Variants in NTM observed in about 807,000 individuals in gnomAD.
The protein encoded by NTM is neurotrimin, also known as IgLON family member 2.
In NTM, 13 loss-of-function variants were observed where a neutral mutation model predicts 42.1. That is an observed-to-expected ratio of 0.31 (90% CI 0.20 to 0.49). The LOEUF is 0.49. Ranked by LOEUF, NTM falls within the 20% of genes least tolerant of loss-of-function variation. The pLI is 0.99. For missense variants in NTM, 373 were observed against 452.8 expected (o/e 0.82, Z 1.60); for synonymous variants, 187 against 179.2 (o/e 1.04, Z -0.35).
intron 2 of NTM, among the ~76,000 whole-genome samples, chr11:132,001,780 A>G (rs2069320900): frequency 6.6e-6 from 1 of 151,102 alleles, no homozygotes; most frequent in Non-Finnish European, 1.5e-5. Flanking sequence ...AGACAGGCAC[A>G]CACACACACA....
intron 1 of NTM, among the ~76,000 whole-genome samples, chr11:131,498,832 C>A (rs1407339150): frequency 6.6e-6 from 1 of 152,208 alleles, no homozygotes; most frequent in Non-Finnish European, 1.5e-5. Context: ...TGCTTGCCCT[C>A]TCCTGGAGGC....
At chr11:131,388,889 G>A (rs1431345394) in intron 1 of NTM, among the ~76,000 whole-genome samples, 5 of 151,568 alleles carry the variant, frequency 3.3e-5, no homozygotes, top group Non-Finnish European at 1.5e-5. Flanking sequence ...GCACGTGCCT[G>A]TAATCCCAGC....
chr11:132,078,080 G>T (rs755878517), intron 2 of NTM, among the ~76,000 whole-genome samples: 1 of 152,134 alleles, frequency 6.6e-6, no homozygotes, highest in Non-Finnish European at 1.5e-5. Flanking sequence ...TGCCCCACAC[G>T]AGGGGATCAT....
At chr11:131,625,897 T>C (rs889887234) in intron 1 of NTM, among the ~76,000 whole-genome samples, 4 of 152,224 alleles carry the variant, frequency 2.6e-5, no homozygotes, top group Non-Finnish European at 5.9e-5. Flanking sequence ...TATTTGTGGT[T>C]GTCACTCTCA....
intron 3 of NTM, among the ~76,000 whole-genome samples, chr11:132,195,462 T>C (rs1054115119): frequency 6.8e-6 from 1 of 147,016 alleles, no homozygotes; most frequent in Non-Finnish European, 1.5e-5. Flanking sequence ...CTAAAATCTA[T>C]ATAGAACCAA....
At chr11:131,475,640 A>G (rs985334565) in intron 1 of NTM, among the ~76,000 whole-genome samples, 5 of 152,184 alleles carry the variant, frequency 3.3e-5, no homozygotes, top group African/African-American at 4.8e-5. Flanking sequence ...AAATGAGGAA[A>G]TATAAATATT....
At chr11:132,054,130 A>G (rs555687290) in intron 2 of NTM, among the ~76,000 whole-genome samples, 1 of 152,344 alleles carries the variant, frequency 6.6e-6, no homozygotes, top group East Asian at 1.9e-4. Context: ...CAGGAGAATC[A>G]CTTGAGCCTG....
At chr11:131,811,941 C>T (rs1040857355) in intron 1 of NTM, among the ~76,000 whole-genome samples, 1 of 152,196 alleles carries the variant, frequency 6.6e-6, no homozygotes, top group Non-Finnish European at 1.5e-5. Context: ...AGTCACCATA[C>T]CGTTCCTGGA....
intron 4 of NTM, among the ~76,000 whole-genome samples, chr11:132,252,499 G>T (rs1194413426): frequency 6.6e-6 from 1 of 152,198 alleles, no homozygotes; most frequent in Non-Finnish European, 1.5e-5. Context: ...AGCAGGAAAA[G>T]AAAGCCTGGA....
intron 1 of NTM, among the ~76,000 whole-genome samples, chr11:131,713,124 T>C (rs1219799057): frequency 2.0e-5 from 3 of 152,052 alleles, no homozygotes; most frequent in African/African-American, 4.8e-5. Context: ...TAGTCTCTCA[T>C]TGTAGGAAAA....
At chr11:132,075,618 G>A (rs551412956) in intron 2 of NTM, among the ~76,000 whole-genome samples, 79 of 152,142 alleles carry the variant, frequency 5.2e-4, no homozygotes, top group Middle Eastern at 6.8e-3. Context: ...TGGATTTTTC[G>A]AGCTATTATT....
intron 1 of NTM, chr11:131,660,722 C>A (rs1172519674): frequency 6.1e-6 from 3 of 489,774 alleles, no homozygotes; most frequent in African/African-American, 4.1e-5. Flanking sequence ...ACGGAGGAGG[C>A]AAAGAAACAA....
At chr11:131,744,832 C>T (rs1239934813) in intron 1 of NTM, among the ~76,000 whole-genome samples, 3 of 152,178 alleles carry the variant, frequency 2.0e-5, no homozygotes, top group African/African-American at 7.2e-5. Context: ...TTGTGTATTC[C>T]TCTGACATAA....
chr11:131,732,694 C>T lies in NTM; in HGVS notation c.83-178870C>T, dbSNP rs116209151. 3.4e-3 allele frequency among the ~76,000 whole-genome samples: 523 copies of T among 152,234 alleles called. 1 individual carries two copies. The highest frequency in any genetic ancestry group is 0.012 in the African/African-American group (491 of 41,538). ...ATTATGTTATCCAACAACAATGCAC[C>T]GGGCTTGAGATAATGGGTTTTATGT... On this transcript the variant is annotated intron_variant, in intron 1 of 8. Coordinates refer to ENST00000683400, the MANE Select transcript of NTM (RefSeq NM_001352005.2).
At chr11:131,692,939 A>G (rs2074967979) in intron 1 of NTM, among the ~76,000 whole-genome samples, 1 of 152,236 alleles carries the variant, frequency 6.6e-6, no homozygotes, top group African/African-American at 2.4e-5. Flanking sequence ...CAGGTCATTA[A>G]ATGAATTTAG....
chr11:131,655,394 G>T (rs1424409918), intron 1 of NTM, among the ~76,000 whole-genome samples: 1 of 152,190 alleles, frequency 6.6e-6, no homozygotes, highest in African/African-American at 2.4e-5. Context: ...CTAATTAGTA[G>T]CATTTAATCT....
chr11:131,686,330 C>G (rs1188344648), intron 1 of NTM, among the ~76,000 whole-genome samples: 4 of 152,150 alleles, frequency 2.6e-5, no homozygotes, highest in African/African-American at 9.7e-5. Context: ...CATGAACTGT[C>G]AATTAACATG....
At position 131,644,768 on chromosome 11, in the gene NTM, T is replaced by C. The variant is rs184489538; in HGVS notation, c.83-266796T>C. 7.9e-4 allele frequency among the ~76,000 whole-genome samples: 120 copies of C among 152,196 alleles called. 1 individual carries two copies. The highest frequency in any genetic ancestry group is 2.6e-3 in the African/African-American group (110 of 41,528). The stretch of plus-strand genomic sequence containing the variant: ...AAGATTGAAAGATACATTTTTTTTT[T>C]CCTTTGGCCAATTTGGGTAAGAAGG... On this transcript the variant is annotated intron_variant, in intron 1 of 8. Transcript: ENST00000683400.
chr11:131,607,227 C>T (rs1289068545), intron 1 of NTM, among the ~76,000 whole-genome samples: 4 of 152,272 alleles, frequency 2.6e-5, no homozygotes, highest in East Asian at 1.9e-4. Context: ...GCAAAATTGC[C>T]TTTGAGGGTG....
Sources: gnomAD v4.1 joint callset for allele counts (sites outside exome capture counted in the v4.1 genomes callset) on GRCh38, gnomAD v4.1.1 for gene constraint, MANE v1.5 for transcripts, NCBI Gene and HGNC (gene_info 2026-07-23, HGNC 2026-07-21) for gene names.